Variants in PMFBP1 observed in about 807,000 individuals in gnomAD.
The protein encoded by PMFBP1 is polyamine-modulated factor 1-binding protein 1.
PMFBP1 carries 131 observed loss-of-function variants against 137.8 expected under a neutral mutation model. The observed-to-expected ratio is 0.95, with a 90% CI of 0.82 to 1.10. The LOEUF is 1.10. Ranked by LOEUF, PMFBP1 falls within the 50% of genes least tolerant of loss-of-function variation. The pLI, the probability that PMFBP1 is intolerant of heterozygous loss-of-function variation, is 0.00. For synonymous variants in PMFBP1, 490 were observed against 450.4 expected (o/e 1.09, Z -1.11); for missense variants, 1,199 against 1,175.4 (o/e 1.02, Z -0.29).
chr16:72,197,758 C>T, the PMFBP1 span, among the ~76,000 whole-genome samples: 1 of 152,152 alleles, frequency 6.6e-6, no homozygotes, highest in East Asian at 1.9e-4. Context: ...AAGTGCAGAA[C>T]CTTAGCGAGA....
chr16:72,128,391 T>C (rs999820025), intron 14 of PMFBP1: 30 of 1,406,054 alleles, frequency 2.1e-5, no homozygotes, highest in Non-Finnish European at 2.8e-5. Context: ...GTCTAAAATG[T>C]AACATTGGAA....
At chr16:72,177,388 C>T (rs190993019), upstream of PMFBP1, among the ~76,000 whole-genome samples, 1 of 152,186 alleles carries the variant, frequency 6.6e-6, no homozygotes, top group African/African-American at 2.4e-5. Flanking sequence ...ACCCTTTCCC[C>T]CTTACAGCCC....
chr16:72,215,211 T>C, the PMFBP1 span, among the ~76,000 whole-genome samples: 16 of 151,854 alleles, frequency 1.1e-4, no homozygotes, highest in Admixed American at 3.3e-4. Flanking sequence ...TTTGAGAAAA[T>C]AGAAGTTCCA....
Position 72,128,718 on chromosome 16 carries a change from A to G in PMFBP1, c.2027T>C (p.Leu676Pro). Residue 676 changes from leucine (L) to proline (P), a missense_variant, in exon 14 of 21, where the codon CTG (leucine) becomes CCG (proline). Leu to Pro is a moderately conservative substitution (Grantham distance 98). Coordinates refer to ENST00000237353, the MANE Select transcript of PMFBP1 (RefSeq NM_031293.3). ...GTTGTATTTGTTGAGAGAGGATTCC[A>G]GTTGTGTAGAACAACACTGTAGCTC... ...RAELQCCSTQ[L>P]ESSLNKYNTS... 1 of 1,614,180 alleles carries G rather than the reference A, an allele frequency of 6.2e-7. No individual in the cohort carries two copies. Among genetic ancestry groups the G allele is most frequent in the Non-Finnish European group, 8.5e-7 (1 of 1,180,024 alleles).
intron 1 of PMFBP1, 66 bp from the exon 2 acceptor site, chr16:72,171,334 C>T (rs1199951896): frequency 2.7e-6 from 3 of 1,122,396 alleles, no homozygotes; most frequent in Non-Finnish European, 3.9e-6. Context: ...AAAGATTTTC[C>T]CAGCTGGATC....
At chr16:72,132,722 T>C in intron 10 of PMFBP1, 26 bp downstream of exon 10, 2 of 1,613,792 alleles carry the variant, frequency 1.2e-6, no homozygotes, top group East Asian at 2.2e-5. Flanking sequence ...AAAAGTGTGG[T>C]GGGACAGCAC....
At chr16:72,213,035 G>T in the PMFBP1 span, among the ~76,000 whole-genome samples, 1 of 152,190 alleles carries the variant, frequency 6.6e-6, no homozygotes, top group African/African-American at 2.4e-5. Flanking sequence ...TATCTTCACA[G>T]TATCTTTAGC....
At chr16:72,231,687 A>G in the PMFBP1 span, among the ~76,000 whole-genome samples, 4 of 152,206 alleles carry the variant, frequency 2.6e-5, no homozygotes, top group African/African-American at 9.7e-5. Context: ...AAAGAAATAT[A>G]AAATACAAGG....
the PMFBP1 span, among the ~76,000 whole-genome samples, chr16:72,249,789 C>T: frequency 5.6e-4 from 85 of 151,084 alleles, no homozygotes; most frequent in African/African-American, 1.6e-3. Context: ...GGCGTGGTGG[C>T]GGGCACCTGT....
At chr16:72,215,448 G>A in the PMFBP1 span, among the ~76,000 whole-genome samples, 1 of 151,706 alleles carries the variant, frequency 6.6e-6, no homozygotes, top group Non-Finnish European at 1.5e-5. Context: ...AATCATATCA[G>A]AAGATAATAG....
chr16:72,245,700 A>G, the PMFBP1 span, among the ~76,000 whole-genome samples: 16 of 152,270 alleles, frequency 1.1e-4, no homozygotes, highest in South Asian at 3.3e-3. Context: ...GGTGTAGTGC[A>G]GTGCTCCCAG....
the PMFBP1 span, among the ~76,000 whole-genome samples, chr16:72,212,856 G>A: frequency 5.3e-3 from 811 of 152,208 alleles, 9 homozygotes; most frequent in African/African-American, 0.018. Flanking sequence ...ACTTACAGTC[G>A]AATGAAAAAT....
chr16:72,243,426 G>T, the PMFBP1 span, among the ~76,000 whole-genome samples: 2 of 152,090 alleles, frequency 1.3e-5, no homozygotes, highest in South Asian at 4.2e-4. Context: ...GGAAAAGAAT[G>T]GCTGTATTTT....
intron 2 of PMFBP1, among the ~76,000 whole-genome samples, chr16:72,166,913 G>A (rs2043152764): frequency 6.6e-6 from 1 of 152,186 alleles, no homozygotes; most frequent in East Asian, 1.9e-4. Flanking sequence ...ACAGGGGATA[G>A]GTGCATGGAA....
At chr16:72,133,798 C>T (rs2042584399) in intron 9 of PMFBP1, among the ~76,000 whole-genome samples, 1 of 152,150 alleles carries the variant, frequency 6.6e-6, no homozygotes, top group Non-Finnish European at 1.5e-5. Flanking sequence ...ACACCTGAAA[C>T]TGGTGATCAG....
Position 72,129,380 on chromosome 16 carries a change from C to T in PMFBP1, c.1783-147G>A, listed in dbSNP as rs185453660. On this transcript the variant is annotated intron_variant, in intron 12 of 20. Coordinates refer to ENST00000237353, the MANE Select transcript of PMFBP1 (RefSeq NM_031293.3). ...TAGCATATGTAAAATAAAAGGTTTC[C>T]TCCAACGCCTGTAACATTTTTTCTT... The T allele has an allele frequency of 2.6e-3, 2,299 of 874,636 alleles. 4 individuals are homozygous for T. The highest frequency in any genetic ancestry group is 3.6e-3 in the South Asian group (143 of 39,322). 54.2% of individuals were successfully genotyped at this position (874,636 alleles called of 1,614,324 possible).
the PMFBP1 span, among the ~76,000 whole-genome samples, chr16:72,245,464 A>G: frequency 6.6e-6 from 1 of 152,192 alleles, no homozygotes; most frequent in Non-Finnish European, 1.5e-5. Flanking sequence ...TAAACGCTGT[A>G]GTTTAGTAAA....
the PMFBP1 span, among the ~76,000 whole-genome samples, chr16:72,193,897 T>A: frequency 6.6e-6 from 1 of 151,862 alleles, no homozygotes; most frequent in Non-Finnish European, 1.5e-5. Flanking sequence ...CAGGGCGGGT[T>A]AATATTTCTA....
At chr16:72,142,898 C>T (rs1428039664) in intron 5 of PMFBP1, among the ~76,000 whole-genome samples, 5 of 151,826 alleles carry the variant, frequency 3.3e-5, no homozygotes, top group African/African-American at 1.2e-4. Context: ...GCAAGGAAAG[C>T]ACAAAAATTT....
Sources: gnomAD v4.1 joint callset for allele counts (sites outside exome capture counted in the v4.1 genomes callset) on GRCh38, gnomAD v4.1.1 for gene constraint, MANE v1.5 for transcripts, NCBI Gene and HGNC (gene_info 2026-07-23, HGNC 2026-07-21) for gene names.